The following SGCZ variants were observed in gnomAD, a reference collection of about 807,000 sequenced individuals.
SGCZ encodes sarcoglycan zeta.
SGCZ carries 40 observed loss-of-function variants against 41.3 expected under a neutral mutation model. The observed-to-expected ratio is 0.97, with a 90% confidence interval of 0.75 to 1.26. SGCZ has a LOEUF of 1.26. SGCZ is among the 50% of genes most tolerant of loss of function. SGCZ has a pLI of 0.00. For synonymous variants in SGCZ, 206 were observed against 137.5 expected, an observed-to-expected ratio of 1.50 and a Z score of -3.49; for missense variants, 552 against 369.8, an observed-to-expected ratio of 1.49 and a Z score of -4.04.
intron 1 of SGCZ, among the ~76,000 whole-genome samples, chr8:15,013,377 A>G (rs898378171): frequency 2.0e-5 from 3 of 152,224 alleles, no homozygotes; most frequent in African/African-American, 7.2e-5. Flanking sequence ...CATGTATTTT[A>G]TTCCCATGAA....
intron 1 of SGCZ, among the ~76,000 whole-genome samples, chr8:15,157,588 C>A (rs1799371607): frequency 6.6e-6 from 1 of 152,178 alleles, no homozygotes; most frequent in Non-Finnish European, 1.5e-5. Context: ...CAGGAGGCTA[C>A]CACACCAGAC....
At chr8:14,902,172 C>A (rs1036678562) in intron 1 of SGCZ, among the ~76,000 whole-genome samples, 5 of 152,134 alleles carry the variant, frequency 3.3e-5, no homozygotes, top group Non-Finnish European at 7.4e-5. Context: ...CTTTTCATTT[C>A]TGGAGGGTTC....
chr8:15,209,062 A>C (rs1233602681), intron 1 of SGCZ, among the ~76,000 whole-genome samples: 1 of 152,088 alleles, frequency 6.6e-6, no homozygotes, highest in Non-Finnish European at 1.5e-5. Context: ...AACTACTTCA[A>C]GTTCTCACCT....
chr8:14,355,486 A>G (rs956458705), intron 2 of SGCZ, among the ~76,000 whole-genome samples: 25 of 152,118 alleles, frequency 1.6e-4, no homozygotes, highest in African/African-American at 5.8e-4. Flanking sequence ...TTGAATCTCT[A>G]GAGACATCAT....
chr8:14,830,375 C>G (rs1802484087), intron 1 of SGCZ, among the ~76,000 whole-genome samples: 1 of 151,864 alleles, frequency 6.6e-6, no homozygotes. Flanking sequence ...TGTTATCTGT[C>G]AATATGTTTT....
chr8:14,169,195 C>A (rs1804299003), intron 4 of SGCZ, among the ~76,000 whole-genome samples: 1 of 152,084 alleles, frequency 6.6e-6, no homozygotes, highest in Non-Finnish European at 1.5e-5. Context: ...TTTGGGGGAA[C>A]TTTTTTGCTA....
chr8:14,816,370 G>C, intron 1 of SGCZ, among the ~76,000 whole-genome samples: 1 of 152,192 alleles, frequency 6.6e-6, no homozygotes, highest in South Asian at 2.1e-4. Flanking sequence ...AATTAGTTAA[G>C]TGTGTTATGA....
chr8:14,403,988 G>C (rs754767279), intron 2 of SGCZ, among the ~76,000 whole-genome samples: 2 of 152,200 alleles, frequency 1.3e-5, no homozygotes, highest in Non-Finnish European at 2.9e-5. Context: ...TAGAAACCAT[G>C]TATAAAGCCC....
rs561026976 is a variant in SGCZ, at chr8:15,163,295, T to C, written c.39+74290A>G. Among the ~76,000 whole-genome samples the C allele has an allele frequency of 3.9e-5, 6 of 152,330 alleles. No homozygotes were observed. The South Asian group carries it at 1.2e-3, about 32-fold the overall frequency. ...CGTCTTATGAGGTAGACACAAAAAT[T>C]AGTCTATCTTCATTTCAGAGCTGAG... On this transcript the variant is annotated intron_variant, in intron 1 of 7. Coordinates refer to ENST00000382080, the MANE Select transcript of SGCZ (RefSeq NM_139167.4).
intron 1 of SGCZ, among the ~76,000 whole-genome samples, chr8:14,819,430 A>T (rs1009618555): frequency 2.6e-5 from 4 of 152,142 alleles, no homozygotes; most frequent in Non-Finnish European, 4.4e-5. Context: ...AGCCTGCAAA[A>T]TTGGCCTTAT....
intron 2 of SGCZ, among the ~76,000 whole-genome samples, chr8:14,437,458 A>G (rs556352925): frequency 6.6e-6 from 1 of 152,134 alleles, no homozygotes; most frequent in Non-Finnish European, 1.5e-5. Context: ...TTAAGCATAC[A>G]TTAAAGAAAT....
intron 2 of SGCZ, among the ~76,000 whole-genome samples, chr8:14,450,205 C>T (rs907807821): frequency 4.6e-5 from 7 of 152,136 alleles, no homozygotes; most frequent in Admixed American, 2.6e-4. Context: ...AAACCCTCAA[C>T]GAGGGTCTCT....
At chr8:14,304,373 T>G (rs1018633424) in intron 3 of SGCZ, among the ~76,000 whole-genome samples, 4 of 151,980 alleles carry the variant, frequency 2.6e-5, no homozygotes, top group Non-Finnish European at 5.9e-5. Context: ...GCAGAAGGAT[T>G]GCTTGAGCCC....
At chr8:15,050,156 A>C (rs559882940) in intron 1 of SGCZ, among the ~76,000 whole-genome samples, 2 of 152,292 alleles carry the variant, frequency 1.3e-5, no homozygotes, top group East Asian at 3.9e-4. Flanking sequence ...TGGGTAACAG[A>C]AAATGATAAA....
intron 1 of SGCZ, among the ~76,000 whole-genome samples, chr8:15,071,845 C>G (rs999153068): frequency 2.0e-5 from 3 of 152,116 alleles, no homozygotes; most frequent in African/African-American, 7.2e-5. Flanking sequence ...GGAGAAGTGA[C>G]TGAAACAGAG....
chr8:14,988,157 T>C (rs767504663), intron 1 of SGCZ, among the ~76,000 whole-genome samples: 6 of 151,962 alleles, frequency 3.9e-5, no homozygotes, highest in Non-Finnish European at 7.4e-5. Context: ...TCTCATTCTT[T>C]AGAAAAATAC....
intron 1 of SGCZ, among the ~76,000 whole-genome samples, chr8:14,800,102 C>T (rs1801271986): frequency 6.6e-6 from 1 of 151,744 alleles, no homozygotes; most frequent in Non-Finnish European, 1.5e-5. Context: ...GATTAAATCT[C>T]ACCATTGAAC....
chr8:14,387,545 A>G (rs981808035), intron 2 of SGCZ, among the ~76,000 whole-genome samples: 2 of 152,166 alleles, frequency 1.3e-5, no homozygotes, highest in African/African-American at 4.8e-5. Context: ...AAATGTTGCA[A>G]GAGTTATTAT....
intron 3 of SGCZ, among the ~76,000 whole-genome samples, chr8:14,294,524 A>G (rs1800948268): frequency 6.6e-6 from 1 of 152,052 alleles, no homozygotes; most frequent in Admixed American, 6.6e-5. Context: ...TACAGTACCA[A>G]AATCATGAAC....
Sources: allele counts gnomAD v4.1 joint callset (sites outside exome capture counted in the v4.1 genomes callset), GRCh38; gene constraint gnomAD v4.1.1; transcripts MANE v1.5; gene names NCBI Gene and HGNC (gene_info 2026-07-23, HGNC 2026-07-21).